The following ASIC2 variants were observed in gnomAD, a reference collection of about 807,000 sequenced individuals.
The protein encoded by ASIC2 is acid sensing ion channel subunit 2.
In ASIC2, 25 loss-of-function variants were observed where a neutral mutation model predicts 57.3. That is an observed-to-expected ratio of 0.44 (90% CI 0.32 to 0.61). The LOEUF (loss-of-function observed/expected upper bound fraction) is 0.61. Ranked by LOEUF, ASIC2 falls within the 20% of genes least tolerant of loss-of-function variation. The pLI, the probability that ASIC2 is intolerant of heterozygous loss-of-function variation, is 0.06. For synonymous variants in ASIC2, 319 were observed against 307.5 expected (o/e 1.04, Z -0.39); for missense variants, 641 against 738.1 (o/e 0.87, Z 1.52).
chr17:33,996,124 T>C (rs1012990607), intron 1 of ASIC2, among the ~76,000 whole-genome samples: 2 of 152,224 alleles, frequency 1.3e-5, no homozygotes, highest in Admixed American at 6.5e-5. Context: ...TTTTTTCATA[T>C]ACCTTTAGGC....
In ASIC2 at chr17:33,238,474, C is replaced by T. The variant is rs554119102; in HGVS notation, c.708+52934G>A. ...GCAAAGGCAACACGCTGCTGCTTGG[C>T]TCAAAACTTGCCAGATGTCTCCCAT... On this transcript the variant is annotated intron_variant, in intron 1 of 9. Transcript: ENST00000225823. Among the ~76,000 whole-genome samples, 104 of 152,342 alleles carry T rather than the reference C, an allele frequency of 6.8e-4. 1 individual carries two copies. Among genetic ancestry groups the T allele is most frequent in the African/African-American group, 2.4e-3 (98 of 41,578 alleles).
At position 33,017,544 on chromosome 17, in the gene ASIC2, CT is replaced by C. The variant is rs377459572; in HGVS notation, c.1521+60del. On this transcript the variant is annotated intron_variant, in intron 8 of 9. Coordinates refer to ENST00000225823, the MANE Select transcript of ASIC2 (RefSeq NM_183377.2). Reference sequence around the variant, plus strand: ...CCTTCCCTCTACTATGATTCTGAACCTGGGGCACGATGAGGGCACCAGCATG... The same window carrying C: ...CCTTCCCTCTACTATGATTCTGAACCGGGGCACGATGAGGGCACCAGCATG... 144 of 1,435,408 alleles carry C rather than the reference CT, an allele frequency of 1.0e-4. No individual in the cohort carries two copies. The African/African-American group carries it at 1.7e-3, about 17-fold the overall frequency. The allele number at this position is 1,435,408 out of a possible 1,614,324, so 88.9% of individuals were successfully genotyped here.
chr17:33,536,527 C>T (rs961815669), intron 1 of ASIC2, among the ~76,000 whole-genome samples: 24 of 152,226 alleles, frequency 1.6e-4, no homozygotes, highest in African/African-American at 5.3e-4. Context: ...CCTACCGACA[C>T]ATCCACTGAA....
intron 2 of ASIC2, among the ~76,000 whole-genome samples, chr17:33,095,960 G>T (rs1405519938): frequency 1.3e-5 from 2 of 152,226 alleles, no homozygotes; most frequent in Admixed American, 1.3e-4. Context: ...CCCATCAGCA[G>T]CTGGGCCACT....
intron 1 of ASIC2, among the ~76,000 whole-genome samples, chr17:34,040,867 T>A (rs969453144): frequency 5.9e-5 from 9 of 152,226 alleles, no homozygotes; most frequent in African/African-American, 2.2e-4. Context: ...CATTAACTAG[T>A]CATCATGCAA....
chr17:33,837,424 C>T (rs192289122), intron 1 of ASIC2, among the ~76,000 whole-genome samples: 2 of 152,298 alleles, frequency 1.3e-5, no homozygotes, highest in East Asian at 3.9e-4. Context: ...CCCAGATAGA[C>T]CTTAACTGTG....
At chr17:34,044,118 ACACACACG>A (rs58795616) in intron 1 of ASIC2, among the ~76,000 whole-genome samples, 39,962 of 122,704 alleles carry the variant, frequency 0.33, 6,111 homozygotes, top group African/African-American at 0.53. Context: ...ACACACACAC[ACACACACG>A]CACGCACACA....
At chr17:33,806,176 G>A (rs1912262345) in intron 1 of ASIC2, among the ~76,000 whole-genome samples, 1 of 152,116 alleles carries the variant, frequency 6.6e-6, no homozygotes, top group South Asian at 2.1e-4. Context: ...ATAATTAAGC[G>A]GCAATGATTT....
chr17:33,353,270 C>G lies in ASIC2; in HGVS notation c.556-241203G>C, dbSNP rs547645592. Among the ~76,000 whole-genome samples the G allele has an allele frequency of 6.6e-5, 10 of 152,260 alleles. No homozygotes were observed. The South Asian group carries it at 2.1e-3, about 32-fold the overall frequency. Reference sequence around the variant, plus strand: ...TCCATAATCATGCACTGAACATGCCCATTGCCGTGGTGGGAACTTTTGACC... The same window carrying G: ...TCCATAATCATGCACTGAACATGCCGATTGCCGTGGTGGGAACTTTTGACC... On this transcript the variant is annotated intron_variant, in intron 1 of 9. Transcript: ENST00000359872.
chr17:33,924,575 G>A (rs896971572), intron 1 of ASIC2, among the ~76,000 whole-genome samples: 3 of 152,168 alleles, frequency 2.0e-5, no homozygotes, highest in South Asian at 2.1e-4. Flanking sequence ...CTATTTCCCC[G>A]TAGATATCTA....
intron 1 of ASIC2, among the ~76,000 whole-genome samples, chr17:34,019,005 T>G (rs1382443359): frequency 6.6e-6 from 1 of 152,178 alleles, no homozygotes; most frequent in Admixed American, 6.5e-5. Flanking sequence ...CCTCCCAGGT[T>G]CATGCCATTC....
At chr17:33,103,030 G>C (rs182040972) in intron 2 of ASIC2, among the ~76,000 whole-genome samples, 1 of 152,074 alleles carries the variant, frequency 6.6e-6, no homozygotes, top group Middle Eastern at 3.2e-3. Context: ...TGATCCGCCC[G>C]CCTTGGCCTC....
intron 1 of ASIC2, among the ~76,000 whole-genome samples, chr17:33,820,480 C>A (rs1402201809): frequency 6.6e-6 from 1 of 152,184 alleles, no homozygotes; most frequent in Admixed American, 6.5e-5. Flanking sequence ...TATTAGCCAG[C>A]AATTTCATAT....
intron 1 of ASIC2, among the ~76,000 whole-genome samples, chr17:33,662,644 TA>T (rs1202429752): frequency 5.8e-5 from 8 of 138,182 alleles, no homozygotes. Flanking sequence ...AATAAATAAA[TA>T]AATAAATAAA....
chr17:34,156,161 C>T lies in ASIC2; in HGVS notation c.372G>A (p.Pro124=), dbSNP rs770764384. Residue 124 remains proline (P), a synonymous_variant, in exon 1 of 10, where the codon CCG becomes CCA. Transcript: ENST00000359872. The surrounding 1 kb of genome is among the most constrained non-coding windows in gnomAD (Gnocchi z 4.4). ...CGGAGGGGTCAGCCAGATGGGGGTC[C>T]GGGATCTGCAGGTTGACATCCAGCA... 7.5e-5 allele frequency: 121 copies of T among 1,613,904 alleles called. No individual in the cohort carries two copies. Among genetic ancestry groups the T allele is most frequent in the Non-Finnish European group, 9.6e-5 (113 of 1,180,002 alleles).
chr17:33,641,660 GAATC>G (rs1906568310), intron 1 of ASIC2, among the ~76,000 whole-genome samples: 1 of 152,254 alleles, frequency 6.6e-6, no homozygotes, highest in East Asian at 1.9e-4. Flanking sequence ...CAGCTGAATG[GAATC>G]ACTCCAAAAC....
intron 1 of ASIC2, among the ~76,000 whole-genome samples, chr17:33,320,749 G>A (rs554718424): frequency 1.6e-4 from 24 of 152,166 alleles, no homozygotes; most frequent in Non-Finnish European, 2.8e-4. Flanking sequence ...GCTTTTCCTG[G>A]AAATGCAGAC....
At chr17:33,046,740 C>A (rs1036453759) in intron 3 of ASIC2, among the ~76,000 whole-genome samples, 10 of 152,204 alleles carry the variant, frequency 6.6e-5, no homozygotes, top group Admixed American at 2.0e-4. Flanking sequence ...TGGGTGGCAA[C>A]ATGTCAGGGT....
At chr17:33,652,680 C>T (rs1906955653) in intron 1 of ASIC2, among the ~76,000 whole-genome samples, 1 of 152,218 alleles carries the variant, frequency 6.6e-6, no homozygotes, top group Non-Finnish European at 1.5e-5. Flanking sequence ...AGTCACCCCT[C>T]AACTCCGTTG....
Sources: allele counts gnomAD v4.1 joint callset (sites outside exome capture counted in the v4.1 genomes callset), GRCh38; gene constraint gnomAD v4.1.1; non-coding constraint Gnocchi (gnomAD v3.1); transcripts MANE v1.5; gene names NCBI Gene and HGNC (gene_info 2026-07-23, HGNC 2026-07-21).